GRIK3: variants seen among roughly 807,000 people sequenced by gnomAD.
GRIK3 encodes the protein glutamate receptor ionotropic, kainate 3.
Under a neutral mutation model 102.5 loss-of-function variants are expected in GRIK3, and 29 were observed. The ratio of observed to expected loss-of-function variants is 0.28; its 90% confidence interval spans 0.21 to 0.39. GRIK3 has a LOEUF of 0.39. GRIK3 is among the 10% of genes least tolerant of loss of function. The pLI is 1.00. For missense variants in GRIK3, 908 were observed against 1,252.4 expected (o/e 0.73, Z 4.15); for synonymous variants, 511 against 504.9 (o/e 1.01, Z -0.16).
chr1:36,999,627 C>T (rs1188787025), intron 1 of GRIK3, among the ~76,000 whole-genome samples: 4 of 152,178 alleles, frequency 2.6e-5, no homozygotes, highest in Admixed American at 6.5e-5. Flanking sequence ...TGATCTATCA[C>T]AGGTCCAACA....
In GRIK3 at chr1:36,968,752, G is replaced by T. The variant is rs1642106926; in HGVS notation, c.115+65242C>A. ...GGGTCTTTGCCATGACATTCAGGCTGGCAACTGGGTAGCAACGTGGCTCCC... is the reference window on the plus strand; with the variant it reads ...GGGTCTTTGCCATGACATTCAGGCTTGCAACTGGGTAGCAACGTGGCTCCC... On this transcript the variant is annotated intron_variant, in intron 1 of 15. Coordinates refer to ENST00000373091, the MANE Select transcript of GRIK3 (RefSeq NM_000831.4). Among the ~76,000 whole-genome samples the T allele has an allele frequency of 2.0e-5, 3 of 152,226 alleles. No homozygotes were observed. In the South Asian group the frequency reaches 6.2e-4, roughly 31 times the overall value.
chr1:36,889,393 G>A (rs948420992), intron 2 of GRIK3, among the ~76,000 whole-genome samples: 4 of 152,128 alleles, frequency 2.6e-5, no homozygotes, highest in Admixed American at 2.0e-4. Flanking sequence ...CAGGGCCTAA[G>A]GGAGCAGATG....
intron 9 of GRIK3, among the ~76,000 whole-genome samples, chr1:36,845,469 A>T (rs1640509984): frequency 6.6e-6 from 1 of 152,178 alleles, no homozygotes; most frequent in South Asian, 2.1e-4. Flanking sequence ...AGCCAGGCCT[A>T]GCGCTAAGCC....
chr1:37,025,532 G>A (rs1026730798), intron 1 of GRIK3, among the ~76,000 whole-genome samples: 9 of 152,246 alleles, frequency 5.9e-5, no homozygotes, highest in Non-Finnish European at 1.3e-4. Flanking sequence ...GACAGGAAAT[G>A]TGATGCCTGG....
chr1:36,871,289 C>T (rs954430284), intron 4 of GRIK3, among the ~76,000 whole-genome samples: 4 of 152,190 alleles, frequency 2.6e-5, no homozygotes, highest in Non-Finnish European at 2.9e-5. Context: ...GGCTGCCATT[C>T]AGGCCTGGCA....
At chr1:36,821,169 T>C (rs930132934) in intron 11 of GRIK3, among the ~76,000 whole-genome samples, 1 of 152,216 alleles carries the variant, frequency 6.6e-6, no homozygotes, top group African/African-American at 2.4e-5. Context: ...TTACCAGTGG[T>C]CATGTGGAAA....
chr1:36,932,576 G>C (rs41344852), intron 1 of GRIK3, among the ~76,000 whole-genome samples: 8,787 of 152,226 alleles, frequency 0.058, 396 homozygotes, highest in Non-Finnish European at 0.087. Context: ...TCCAATGAAG[G>C]GTCCGCAGCC....
Position 36,806,064 on chromosome 1 carries a change from C to T in GRIK3, c.2314+40G>A, listed in dbSNP as rs1051536272. ...ACGCGGGGGTGGAGCCCTCCCTCTG[C>T]CCACACACCCACCCCTCCCACAGGC... On this transcript the variant is annotated intron_variant, in intron 14 of 15. Transcript: ENST00000373091. The surrounding 1 kb of genome is among the most constrained non-coding windows in gnomAD (Gnocchi z 4.0). The T allele has an allele frequency of 7.6e-6, 11 of 1,438,464 alleles. No individual in the cohort carries two copies. The highest frequency in any genetic ancestry group is 1.1e-5 in the Non-Finnish European group (11 of 1,028,354). 89.1% of individuals were successfully genotyped at this position (1,438,464 alleles called of 1,614,324 possible).
Position 36,947,396 on chromosome 1 carries a change from ATCT to A in GRIK3, c.116-56303_116-56301del, listed in dbSNP as rs201792204. Among the ~76,000 whole-genome samples, 189 of 152,114 alleles carry A rather than the reference ATCT, an allele frequency of 1.2e-3. 4 individuals are homozygous for A. In the East Asian group the frequency reaches 0.024, roughly 19 times the overall value. On this transcript the variant is annotated intron_variant, in intron 1 of 15. Transcript: ENST00000373091. ...GGTCTCAGCTGCCCACAATTCTGCC[ATCT>A]TCTCCTTCCTGCAGCTCTCATCCCA...
intron 1 of GRIK3, among the ~76,000 whole-genome samples, chr1:37,009,904 T>G (rs1326973293): frequency 6.7e-6 from 1 of 149,186 alleles, no homozygotes; most frequent in Admixed American, 6.7e-5. Context: ...GGGGGGAGCT[T>G]GGAGGGGGTG....
chr1:36,851,626 T>C (rs1401736135), intron 8 of GRIK3, among the ~76,000 whole-genome samples: 2 of 152,206 alleles, frequency 1.3e-5, no homozygotes, highest in Non-Finnish European at 2.9e-5. Context: ...CCAGGTGCTA[T>C]GGAGATGTGA....
chr1:36,852,830 G>A, intron 8 of GRIK3, among the ~76,000 whole-genome samples: 1 of 152,150 alleles, frequency 6.6e-6, no homozygotes, highest in East Asian at 1.9e-4. Context: ...GACAGAGTGT[G>A]GCTGAGCCCC....
intron 1 of GRIK3, among the ~76,000 whole-genome samples, chr1:36,947,306 C>T (rs1426076172): frequency 2.0e-5 from 3 of 152,122 alleles, no homozygotes; most frequent in African/African-American, 7.2e-5. Flanking sequence ...TCTTGCCCTG[C>T]CCCCATCACT....
At chr1:36,922,817 A>G (rs1460725620) in intron 1 of GRIK3, among the ~76,000 whole-genome samples, 8 of 151,740 alleles carry the variant, frequency 5.3e-5, no homozygotes, top group Admixed American at 5.3e-4. Context: ...AGCTCCCTCC[A>G]CTCCCTAAAC....
chr1:36,934,749 A>G (rs1354279025), intron 1 of GRIK3, among the ~76,000 whole-genome samples: 1 of 152,232 alleles, frequency 6.6e-6, no homozygotes, highest in Non-Finnish European at 1.5e-5. Context: ...ATGTGGGAAG[A>G]TGGAGCAGGG....
At chr1:36,919,190 A>C (rs1035111665) in intron 1 of GRIK3, among the ~76,000 whole-genome samples, 2 of 152,178 alleles carry the variant, frequency 1.3e-5, no homozygotes, top group Non-Finnish European at 2.9e-5. Flanking sequence ...CAAACTGAAG[A>C]AGGAAAGTGT....
chr1:36,891,082 A>G lies in GRIK3; in HGVS notation c.130T>C (p.Tyr44His). The G allele has an allele frequency of 6.2e-7, 1 of 1,612,222 alleles. No homozygotes were observed. The highest frequency in any genetic ancestry group is 8.5e-7 in the Non-Finnish European group (1 of 1,178,896). Residue 44 changes from tyrosine to histidine, a missense_variant, in exon 2 of 16, where the codon TAT becomes CAT. Tyr to His is a moderately conservative substitution (Grantham distance 83). Transcript: ENST00000373091. ...HVIRIGGIFE[Y>H]ADGPNAQVMN... ...ACCTGGGCGTTGGGGCCGTCCGCAT[A>G]CTCGAAGATTCCTCCTGTGAAAGAT... is the stretch of plus-strand genomic sequence containing the variant.
At chr1:36,971,863 G>A (rs867743728) in intron 1 of GRIK3, among the ~76,000 whole-genome samples, 10 of 152,018 alleles carry the variant, frequency 6.6e-5, no homozygotes, top group African/African-American at 2.4e-4. Flanking sequence ...TTATATAAAC[G>A]GGCCCACCAA....
At chr1:36,854,377 C>T (rs1279443793) in intron 7 of GRIK3, among the ~76,000 whole-genome samples, 1 of 152,184 alleles carries the variant, frequency 6.6e-6, no homozygotes, top group Admixed American at 6.5e-5. Context: ...ATATAAAATA[C>T]TGAGAACGGT....
Sources: gnomAD v4.1 joint callset for allele counts (sites outside exome capture counted in the v4.1 genomes callset) on GRCh38, gnomAD v4.1.1 for gene constraint, Gnocchi (gnomAD v3.1) non-coding constraint, MANE v1.5 for transcripts, NCBI Gene and HGNC (gene_info 2026-07-23, HGNC 2026-07-21) for gene names.